The following KANK2 variants were observed in gnomAD, a reference collection of about 807,000 sequenced individuals.
The protein encoded by KANK2 is KN motif and ankyrin repeat domain-containing protein 2.
In KANK2, 41 loss-of-function variants were observed where a neutral mutation model predicts 74.6. The observed-to-expected ratio is 0.55, with a 90% CI of 0.43 to 0.71. The LOEUF (loss-of-function observed/expected upper bound fraction) is 0.71. Among genes scored for constraint, KANK2 ranks in the 30% least tolerant of loss-of-function variants. The probability of loss-of-function intolerance (pLI) is 0.00; values close to 1 mark genes in which losing one functional copy is unlikely to be tolerated. For missense variants in KANK2, 1,148 were observed against 1,196.4 expected (o/e 0.96, Z 0.60); for synonymous variants, 537 against 519.0 (o/e 1.03, Z -0.47).
In KANK2 at chr19:11,193,864, C is replaced by A. The variant is rs375690240; in HGVS notation, c.216G>T (p.Ser72=). 5 of 1,612,894 alleles carry A rather than the reference C, an allele frequency of 3.1e-6. No homozygotes were observed. The highest frequency in any genetic ancestry group is 4.2e-6 in the Non-Finnish European group (5 of 1,179,678). The change falls in exon 4 of 13, where the codon TCG becomes TCT. Residue 72 remains serine (S), a synonymous_variant. Coordinates refer to ENST00000586659, the MANE Select transcript of KANK2 (RefSeq NM_001136191.3). This position sits in a 1 kb window ranked among gnomAD's most constrained non-coding sequence, Gnocchi z 9.6. ...VAVQRRPRLS[S]LPRGPGSWWT... ...ACCAGGAGCCAGGGCCACGGGGCAG[C>A]GAGCTCAGGCGGGGGCGGCGCTGCA...
chr19:11,186,945 T>C (rs2078693429), intron 4 of KANK2, among the ~76,000 whole-genome samples: 1 of 151,950 alleles, frequency 6.6e-6, no homozygotes, highest in South Asian at 2.1e-4. Flanking sequence ...AGTAACCAGA[T>C]ACCTACTGTG....
At chr19:11,168,010 T>G (rs1033543427) in intron 12 of KANK2, among the ~76,000 whole-genome samples, 11 of 138,556 alleles carry the variant, frequency 7.9e-5, no homozygotes, top group African/African-American at 3.7e-4. Context: ...TCCTTGTTTT[T>G]TTTTTTTTTT....
At position 11,193,669 on chromosome 19, in the gene KANK2, G is replaced by A. The variant is rs755282633; in HGVS notation, c.411C>T (p.Asp137=). The A allele has an allele frequency of 1.2e-6, 2 of 1,604,902 alleles. No homozygotes were observed. Among genetic ancestry groups the A allele is most frequent in the South Asian group, 1.1e-5 (1 of 90,688 alleles). Residue 137 remains aspartate (D), a synonymous_variant, in exon 4 of 13, where the codon GAC becomes GAT. Coordinates refer to ENST00000586659, the MANE Select transcript of KANK2 (RefSeq NM_001136191.3). This position sits in a 1 kb window ranked among gnomAD's most constrained non-coding sequence, Gnocchi z 9.6. ...TLLDARRRLE[D]QAATPTGLGS... ...CCAGGCCGGTGGGTGTGGCCGCCTG[G>A]TCCTCGAGACGGCGACGGGCATCCA...
Position 11,192,793 on chromosome 19 carries a change from C to T in KANK2, c.1249+38G>A, listed in dbSNP as rs7254270. ...CATGGGAAGAAAGAGGCCCCCCCCCCCCAAGCCATTCTCCCCTGCCTGCCT... is the reference window on the plus strand; with the variant it reads ...CATGGGAAGAAAGAGGCCCCCCCCCTCCAAGCCATTCTCCCCTGCCTGCCT... On this transcript the variant is annotated intron_variant, in intron 4 of 12. Transcript: ENST00000586659. 6.9e-5 allele frequency: 108 copies of T among 1,576,202 alleles called. 1 individual carries two copies. The Middle Eastern group carries it at 8.5e-4, about 12-fold the overall frequency.
intron 4 of KANK2, among the ~76,000 whole-genome samples, chr19:11,191,965 G>A (rs1023149642): frequency 2.0e-5 from 3 of 152,108 alleles, no homozygotes; most frequent in Non-Finnish European, 2.9e-5. Context: ...AGGCTAAGGC[G>A]GGAGGATTGC....
chr19:11,173,025 G>A lies in KANK2; in HGVS notation c.2167C>T (p.Leu723Phe), dbSNP rs144561976. Residue 723 changes from leucine to phenylalanine, a missense_variant, in exon 10 of 13, where the codon CTT (leucine) becomes TTT (phenylalanine). Coordinates refer to ENST00000586659, the MANE Select transcript of KANK2 (RefSeq NM_001136191.3). ...ATGTTGCCAAGCCGGAAGAGCTGAA[G>A]GACAGTCTCGATGTCGTCCTGGGTC... Reference protein sequence around the residue: ...LKTQDDIETVLQLFRLGNINA... With the variant: ...LKTQDDIETVFQLFRLGNINA... 3.1e-6 allele frequency: 5 copies of A among 1,614,146 alleles called. 1 individual carries two copies. In the East Asian group the frequency reaches 6.7e-5, roughly 22 times the overall value.
chr19:11,167,534 T>TC (rs1669230225), intron 12 of KANK2, among the ~76,000 whole-genome samples: 1 of 151,288 alleles, frequency 6.6e-6, no homozygotes, highest in Non-Finnish European at 1.5e-5. Flanking sequence ...CAGCTAATTT[T>TC]TTTTTTTTTT....
intron 7 of KANK2, 27 bp from the exon 8 acceptor site, chr19:11,176,016 C>T: frequency 2.5e-6 from 4 of 1,580,674 alleles, no homozygotes; most frequent in Non-Finnish European, 3.5e-6. Flanking sequence ...AAGCGGGGAA[C>T]TAAGTAAGCC....
rs1003097699 is a variant in KANK2 at position 11,166,275 on chromosome 19, AACCCAC to A, written c.*277_*282del. 13 of 333,754 alleles carry A rather than the reference AACCCAC, an allele frequency of 3.9e-5. No individual in the cohort carries two copies. The highest frequency in any genetic ancestry group is 2.8e-4 in the African/African-American group (13 of 47,010). 20.7% of individuals were successfully genotyped at this position (333,754 alleles called of 1,614,324 possible). On this transcript the variant is annotated 3_prime_UTR_variant, in exon 13 of 13. Transcript: ENST00000586659. ...TGATTGTTCTCAATGTTCTTCATAA[AACCCAC>A]ACCCCAGCATCAGCCCTGGCGCCAA...
At chr19:11,184,638 A>G (rs1345278316) in intron 4 of KANK2, among the ~76,000 whole-genome samples, 3 of 149,256 alleles carry the variant, frequency 2.0e-5, no homozygotes, top group African/African-American at 7.4e-5. Context: ...TGTATCCAAT[A>G]AGTTTGAATT....
intron 11 of KANK2, 29 bp from the exon 12 acceptor site, chr19:11,169,995 G>A (rs763193023): frequency 2.7e-5 from 43 of 1,612,726 alleles, no homozygotes; most frequent in African/African-American, 1.5e-4. Context: ...TATGAATGAC[G>A]TCCCCATGCT....
chr19:11,193,342 G>A lies in KANK2; in HGVS notation c.738C>T (p.Ser246=), dbSNP rs141150891. ...GATCGGGGAGGTCCAGGCAGAGCTC[G>A]CTGCGACCCCGGCCCGCTGTGGGGT... ...LGHPTAGRGR[S]ELCLDLPDPP... Residue 246 remains serine, a synonymous_variant, in exon 4 of 13, where the codon AGC becomes AGT. Transcript: ENST00000586659. This position sits in a 1 kb window ranked among gnomAD's most constrained non-coding sequence, Gnocchi z 9.6. The A allele has an allele frequency of 2.2e-5, 36 of 1,612,420 alleles. No homozygotes were observed. Among genetic ancestry groups the A allele is most frequent in the South Asian group, 3.3e-5 (3 of 91,080 alleles).
In KANK2 at chr19:11,166,744, C is replaced by T. The variant is rs187718276; in HGVS notation, c.2503-133G>A. On this transcript the variant is annotated intron_variant, in intron 12 of 12. Coordinates refer to ENST00000586659, the MANE Select transcript of KANK2 (RefSeq NM_001136191.3). The stretch of plus-strand genomic sequence containing the variant: ...GTGGCCCCTGGCCCCAAGGAGGTGG[C>T]GATCTGGGGGCACCGCCTTGAAGAA... 6.2e-5 allele frequency: 47 copies of T among 756,252 alleles called. No individual in the cohort carries two copies. The Middle Eastern group carries it at 1.7e-3, about 27-fold the overall frequency. 46.8% of individuals were successfully genotyped at this position (756,252 alleles called of 1,614,324 possible). A position where few individuals can be genotyped will look rare whatever the true frequency, so the allele number is the denominator to read the frequency against.
chr19:11,175,371 T>C (rs1313050776), intron 8 of KANK2, among the ~76,000 whole-genome samples: 1 of 128,674 alleles, frequency 7.8e-6, no homozygotes, highest in Non-Finnish European at 1.5e-5. Flanking sequence ...GAGGTTACAG[T>C]GAGCTGAGAT....
intron 7 of KANK2, 58 bp downstream of exon 7, chr19:11,176,520 G>C (rs2078340834): frequency 1.3e-6 from 2 of 1,509,588 alleles, no homozygotes; most frequent in African/African-American, 1.4e-5. Flanking sequence ...GTGGGGGTTT[G>C]AGGCAGAGGT....
intron 4 of KANK2, among the ~76,000 whole-genome samples, chr19:11,191,976 T>G (rs1260005653): frequency 2.6e-5 from 4 of 152,116 alleles, no homozygotes; most frequent in African/African-American, 9.7e-5. Flanking sequence ...GGAGGATTGC[T>G]TGAGCCTAGG....
chr19:11,189,248 C>T (rs540176734), intron 4 of KANK2, among the ~76,000 whole-genome samples: 160 of 152,026 alleles, frequency 1.1e-3, no homozygotes, highest in African/African-American at 2.2e-3. Flanking sequence ...TAAGCCACTG[C>T]GCCTGGCTGA....
At chr19:11,175,382 C>T (rs908475353) in intron 8 of KANK2, among the ~76,000 whole-genome samples, 8 of 138,916 alleles carry the variant, frequency 5.8e-5, no homozygotes, top group African/African-American at 1.9e-4. Context: ...GAGCTGAGAT[C>T]GCACCACTGC....
In KANK2 at chr19:11,189,681, G is replaced by C. The variant is rs147045092; in HGVS notation, c.1249+3150C>G. On this transcript the variant is annotated intron_variant, in intron 4 of 12. Coordinates refer to ENST00000586659, the MANE Select transcript of KANK2 (RefSeq NM_001136191.3). ...AGACATTCCAGCTTGGCTCAAGCAA[G>C]GCAGAGATTGGGGCTGGCTGCAGCA... 4.6e-5 allele frequency among the ~76,000 whole-genome samples: 7 copies of C among 150,806 alleles called. No individual in the cohort carries two copies. The East Asian group carries it at 1.4e-3, about 29-fold the overall frequency.
Sources: allele counts gnomAD v4.1 joint callset (sites outside exome capture counted in the v4.1 genomes callset), GRCh38; gene constraint gnomAD v4.1.1; non-coding constraint Gnocchi (gnomAD v3.1); transcripts MANE v1.5; gene names NCBI Gene and HGNC (gene_info 2026-07-23, HGNC 2026-07-21).